The following ITGA2 variants were observed in gnomAD, a reference collection of about 807,000 sequenced individuals.
The protein encoded by ITGA2 is integrin alpha-2.
In ITGA2, 101 loss-of-function variants were observed where a neutral mutation model predicts 146.3. The observed-to-expected ratio is 0.69, with a 90% CI of 0.59 to 0.81. The LOEUF (loss-of-function observed/expected upper bound fraction) is 0.81. Ranked by LOEUF, ITGA2 falls within the 40% of genes least tolerant of loss-of-function variation. The pLI is 0.00. For synonymous variants in ITGA2, 477 were observed against 487.1 expected (o/e 0.98, Z 0.27); for missense variants, 1,281 against 1,402.7 (o/e 0.91, Z 1.39).
intron 1 of ITGA2, among the ~76,000 whole-genome samples, chr5:53,013,212 CA>C (rs1420618107): frequency 6.6e-6 from 1 of 151,736 alleles, no homozygotes; most frequent in Non-Finnish European, 1.5e-5. Context: ...GATTATTTTC[CA>C]GGTTTTATAC....
intron 2 of ITGA2, among the ~76,000 whole-genome samples, chr5:53,036,322 C>G (rs533453485): frequency 6.6e-6 from 1 of 152,134 alleles, no homozygotes; most frequent in Non-Finnish European, 1.5e-5. Flanking sequence ...ATGCTGTACT[C>G]AAAACCCTCC....
chr5:53,080,786 T>C (rs1474425987), intron 25 of ITGA2, among the ~76,000 whole-genome samples, 165 bp downstream of exon 25: 9 of 152,146 alleles, frequency 5.9e-5, no homozygotes, highest in Non-Finnish European at 1.5e-5. Context: ...GAAAAAATAT[T>C]GTTACAAGAA....
At chr5:53,060,609 G>T (rs903387433) in intron 11 of ITGA2, among the ~76,000 whole-genome samples, 2 of 151,840 alleles carry the variant, frequency 1.3e-5, no homozygotes, top group African/African-American at 4.8e-5. Context: ...ATTCGTTCAA[G>T]AAATATTTTT....
intron 1 of ITGA2, among the ~76,000 whole-genome samples, chr5:53,007,143 T>G (rs1485143631): frequency 6.6e-6 from 1 of 152,174 alleles, no homozygotes; most frequent in African/African-American, 2.4e-5. Context: ...TGCTGTCATG[T>G]GAAGAGGTGA....
chr5:53,010,661 A>G (rs1742079896), intron 1 of ITGA2, among the ~76,000 whole-genome samples: 1 of 152,098 alleles, frequency 6.6e-6, no homozygotes, highest in African/African-American at 2.4e-5. Context: ...TAATTCTGTA[A>G]TGGGTTGAGC....
At chr5:53,051,203 A>G (rs1285623118) in intron 6 of ITGA2, among the ~76,000 whole-genome samples, 1 of 152,208 alleles carries the variant, frequency 6.6e-6, no homozygotes, top group African/African-American at 2.4e-5. Flanking sequence ...TTTCTTGGCA[A>G]TAGTACTGCT....
intron 24 of ITGA2, among the ~76,000 whole-genome samples, chr5:53,080,030 C>T (rs1040401011): frequency 1.3e-5 from 2 of 152,108 alleles, no homozygotes; most frequent in South Asian, 4.1e-4. Context: ...ATAAGAAAAG[C>T]ATAGAGAGGT....
At chr5:53,021,311 A>G (rs1742670586) in intron 1 of ITGA2, among the ~76,000 whole-genome samples, 1 of 152,186 alleles carries the variant, frequency 6.6e-6, no homozygotes, top group South Asian at 2.1e-4. Flanking sequence ...TATTAAAGCT[A>G]TTTAATATGT....
intron 1 of ITGA2, among the ~76,000 whole-genome samples, chr5:52,999,844 C>T (rs1433013923): frequency 6.6e-6 from 1 of 152,072 alleles, no homozygotes; most frequent in Non-Finnish European, 1.5e-5. Context: ...TGTCTCCCAA[C>T]ACAGCTTAAC....
At chr5:53,079,363 G>A (rs1190900140) in intron 24 of ITGA2, among the ~76,000 whole-genome samples, 2 of 152,034 alleles carry the variant, frequency 1.3e-5, no homozygotes, top group Non-Finnish European at 2.9e-5. Context: ...TTCTGTTTGA[G>A]TTTACCATTT....
intron 13 of ITGA2, 83 bp from the exon 14 acceptor site, chr5:53,064,829 G>A: frequency 2.2e-6 from 3 of 1,342,506 alleles, no homozygotes; most frequent in South Asian, 2.4e-5. Flanking sequence ...ACAGGCATGA[G>A]CCACCACACC....
At chr5:53,067,367 T>A in intron 16 of ITGA2, 110 bp downstream of exon 16, 1 of 1,193,418 alleles carries the variant, frequency 8.4e-7, no homozygotes. Context: ...GTTTTAGTTA[T>A]AGACACTTAA....
chr5:53,034,540 G>T (rs1743393402), intron 2 of ITGA2, among the ~76,000 whole-genome samples: 1 of 152,176 alleles, frequency 6.6e-6, no homozygotes, highest in Non-Finnish European at 1.5e-5. Flanking sequence ...CATTGTTTGT[G>T]ACTTGCACGT....
chr5:53,030,521 G>A (rs1743174848), intron 2 of ITGA2, among the ~76,000 whole-genome samples: 1 of 152,330 alleles, frequency 6.6e-6, no homozygotes, highest in South Asian at 2.1e-4. Context: ...TGTCTGACCT[G>A]AAGGGCTGAA....
chr5:53,090,312 TG>T (rs1296926968), intron 29 of ITGA2, among the ~76,000 whole-genome samples: 1 of 152,158 alleles, frequency 6.6e-6, no homozygotes, highest in Non-Finnish European at 1.5e-5. Flanking sequence ...CGCTGAAAAA[TG>T]TAGCTTTATG....
At chr5:53,081,774 C>T (rs1561153734) in intron 26 of ITGA2, 78 bp downstream of exon 26, 2 of 935,340 alleles carry the variant, frequency 2.1e-6, no homozygotes, top group East Asian at 2.6e-5. Context: ...TTTCTCCTAC[C>T]AGCTGATATC....
intron 1 of ITGA2, among the ~76,000 whole-genome samples, chr5:53,019,065 A>AAAATAAATAAATAAATAAAT (rs3212415): frequency 1.3e-5 from 2 of 151,264 alleles, no homozygotes; most frequent in African/African-American, 4.9e-5. Context: ...CTCCAGTCTC[A>AAAATAAATAAATAAATAAAT]AAATAAATAA....
At chr5:53,069,790 C>T (rs554461298) in intron 16 of ITGA2, among the ~76,000 whole-genome samples, 1 of 151,442 alleles carries the variant, frequency 6.6e-6, no homozygotes, top group South Asian at 2.1e-4. Context: ...TAATGAAACC[C>T]GTGCTTGTGG....
chr5:53,026,668 A>T (rs887546977), intron 1 of ITGA2, 80 bp from the exon 2 acceptor site: 8 of 1,314,594 alleles, frequency 6.1e-6, no homozygotes, highest in Non-Finnish European at 8.7e-6. Flanking sequence ...AAGTTTTCTT[A>T]AAAATGGCCT....
Sources: allele counts gnomAD v4.1 joint callset (sites outside exome capture counted in the v4.1 genomes callset), GRCh38; gene constraint gnomAD v4.1.1; transcripts MANE v1.5; gene names NCBI Gene and HGNC (gene_info 2026-07-23, HGNC 2026-07-21).